Variants in TMEM182 observed in about 807,000 individuals in gnomAD.
TMEM182 encodes the protein transmembrane protein 182.
Under a neutral mutation model 26.8 loss-of-function variants are expected in TMEM182, and 20 were observed. The ratio of observed to expected loss-of-function variants is 0.75; its 90% CI spans 0.53 to 1.09. TMEM182 has a LOEUF of 1.09. TMEM182 is among the 50% of genes least tolerant of loss of function. TMEM182 has a pLI of 0.00. For synonymous variants in TMEM182, 109 were observed against 102.2 expected (o/e 1.07, Z -0.40); for missense variants, 277 against 275.5 (o/e 1.01, Z -0.04).
intron 3 of TMEM182, among the ~76,000 whole-genome samples, chr2:102,773,492 A>G (rs911844166): frequency 4.0e-5 from 6 of 150,808 alleles, no homozygotes; most frequent in African/African-American, 9.8e-5. Flanking sequence ...GAACACTGCA[A>G]AGGCTCAGAG....
chr2:102,782,113 G>A (rs1322233769), intron 3 of TMEM182, among the ~76,000 whole-genome samples: 3 of 151,988 alleles, frequency 2.0e-5, no homozygotes, highest in Non-Finnish European at 4.4e-5. Flanking sequence ...TGAGACCAGC[G>A]TGGCCAACGT....
chr2:102,740,014 A>G (rs1013868683), intron 1 of TMEM182, among the ~76,000 whole-genome samples: 1 of 152,192 alleles, frequency 6.6e-6, no homozygotes, highest in African/African-American at 2.4e-5. Flanking sequence ...GACCCAAGAG[A>G]GACCTGTACA....
intron 3 of TMEM182, among the ~76,000 whole-genome samples, chr2:102,838,921 T>TA (rs1458696348): frequency 1.3e-5 from 2 of 152,176 alleles, no homozygotes; most frequent in Non-Finnish European, 2.9e-5. Context: ...CAAGGATGGT[T>TA]AAAAAACTGC....
At chr2:102,797,416 A>G (rs1681914396) in intron 3 of TMEM182, among the ~76,000 whole-genome samples, 1 of 152,218 alleles carries the variant, frequency 6.6e-6, no homozygotes, top group South Asian at 2.1e-4. Flanking sequence ...TGGTACAAAT[A>G]TATCTTAGAA....
Position 102,797,829 on chromosome 2 carries a change from T to C in TMEM182, c.332-34T>C, listed in dbSNP as rs892425249. 1.9e-6 allele frequency: 3 copies of C among 1,591,632 alleles called. No homozygotes were observed. In the African/African-American group the frequency reaches 4.1e-5, roughly 22 times the overall value. On this transcript the variant is annotated intron_variant, in intron 3 of 4. Transcript: ENST00000412401. ...TGTGTACACAATCTAAGTGTATTTT[T>C]CTTTCTTTTCTCTTTTCCTCCTGGG...
intron 4 of TMEM182, among the ~76,000 whole-genome samples, chr2:102,803,282 T>A (rs1682220847): frequency 6.6e-6 from 1 of 152,214 alleles, no homozygotes; most frequent in South Asian, 2.1e-4. Context: ...CTGATTGGGA[T>A]GAATTGTGTG....
chr2:102,817,644 G>A lies in TMEM182; in HGVS notation c.*2676G>A, dbSNP rs1682801001. 1.0e-6 allele frequency: 1 copy of A among 977,482 alleles called. No homozygotes were observed. The highest frequency in any genetic ancestry group is 1.2e-6 in the Non-Finnish European group (1 of 822,932). The allele number at this position is 977,482 out of a possible 1,614,324, so 60.6% of individuals were successfully genotyped here. ...TATAAATATATTTATTAAATTTGAA[G>A]ATTAAATGGAATTATAAAGGAATAT... On this transcript the variant is annotated 3_prime_UTR_variant, in exon 5 of 5. Transcript: ENST00000412401.
At chr2:102,819,897 A>G (rs1682876575), downstream of TMEM182, among the ~76,000 whole-genome samples, 1 of 152,202 alleles carries the variant, frequency 6.6e-6, no homozygotes, top group East Asian at 1.9e-4. Flanking sequence ...TCCAGAGCAT[A>G]TGTGGTGTTG....
chr2:102,835,717 C>G (rs1314277112), intron 3 of TMEM182, among the ~76,000 whole-genome samples: 1 of 151,502 alleles, frequency 6.6e-6, no homozygotes, highest in East Asian at 1.9e-4. Flanking sequence ...TTTTTTTATA[C>G]TTTAAGTTTT....
At position 102,809,640 on chromosome 2, in the gene TMEM182, C is replaced by T. The variant is rs116880627; in HGVS notation, c.470-5108C>T. Among the ~76,000 whole-genome samples the T allele has an allele frequency of 2.2e-3, 333 of 152,284 alleles. 3 individuals carry two copies. In the East Asian group the frequency reaches 0.023, roughly 10 times the overall value. On this transcript the variant is annotated intron_variant, in intron 4 of 4. Coordinates refer to ENST00000412401, the MANE Select transcript of TMEM182 (RefSeq NM_144632.5). ...AGTCTGAGTTATTCCACAGGCTCAACGTTTGACCTTGGTGGACAAATAAGT... is the reference window on the plus strand; with the variant it reads ...AGTCTGAGTTATTCCACAGGCTCAATGTTTGACCTTGGTGGACAAATAAGT...
chr2:102,788,898 T>C (rs920980263), intron 3 of TMEM182, among the ~76,000 whole-genome samples: 2 of 152,212 alleles, frequency 1.3e-5, no homozygotes, highest in Non-Finnish European at 2.9e-5. Context: ...GCTTGGCATG[T>C]TCACGATTGT....
chr2:102,741,321 C>A (rs538840158), intron 1 of TMEM182, among the ~76,000 whole-genome samples: 217 of 152,190 alleles, frequency 1.4e-3, no homozygotes, highest in Non-Finnish European at 2.5e-3. Context: ...TTTAGGGATA[C>A]CCCCACAATT....
intron 3 of TMEM182, among the ~76,000 whole-genome samples, chr2:102,839,814 T>G (rs2104782577): frequency 6.6e-6 from 1 of 152,298 alleles, no homozygotes; most frequent in African/African-American, 2.4e-5. Flanking sequence ...AGCGTGCGAC[T>G]TCTGAAGTCA....
intron 3 of TMEM182, chr2:102,775,495 C>G (rs2104685054): frequency 6.6e-6 from 1 of 152,322 alleles, no homozygotes; most frequent in Admixed American, 6.5e-5. Context: ...GGGATGCCCT[C>G]TCTCACCACT....
intron 3 of TMEM182, among the ~76,000 whole-genome samples, chr2:102,837,748 G>A (rs1439578892): frequency 6.6e-6 from 1 of 152,202 alleles, no homozygotes; most frequent in Non-Finnish European, 1.5e-5. Flanking sequence ...GTGGCCTTGG[G>A]TCTAGCTGCA....
intron 3 of TMEM182, among the ~76,000 whole-genome samples, chr2:102,836,067 T>G (rs1223333093): frequency 2.0e-5 from 3 of 152,248 alleles, no homozygotes; most frequent in Admixed American, 6.5e-5. Context: ...TGTCATGGCT[T>G]GATAGCTCAT....
Position 102,770,431 on chromosome 2 carries a change from C to T in TMEM182, c.331+6004C>T, listed in dbSNP as rs139702679. On this transcript the variant is annotated intron_variant, in intron 3 of 4. Transcript: ENST00000412401. ...CTTCCAGATCATCTGCTGTGTATCC[C>T]ATCCCGGTTCACTGCTCATTCTCTT... Among the ~76,000 whole-genome samples, 809 of 152,316 alleles carry T rather than the reference C, an allele frequency of 5.3e-3. 5 individuals are homozygous for T. The highest frequency in any genetic ancestry group is 8.9e-3 in the Non-Finnish European group (607 of 68,038).
At chr2:102,792,670 C>T (rs1258505795) in intron 3 of TMEM182, among the ~76,000 whole-genome samples, 1 of 152,122 alleles carries the variant, frequency 6.6e-6, no homozygotes, top group Non-Finnish European at 1.5e-5. Context: ...TGATGTTATG[C>T]ACTTTTGAAT....
At chr2:102,753,201 C>CG (rs1553436424) in intron 1 of TMEM182, among the ~76,000 whole-genome samples, 6 of 81,670 alleles carry the variant, frequency 7.3e-5, no homozygotes, top group African/African-American at 2.7e-4. Flanking sequence ...GCTTCCCCCC[C>CG]CCACTGCCTT....
Sources: allele counts gnomAD v4.1 joint callset (sites outside exome capture counted in the v4.1 genomes callset), GRCh38; gene constraint gnomAD v4.1.1; transcripts MANE v1.5; gene names NCBI Gene and HGNC (gene_info 2026-07-23, HGNC 2026-07-21).